The following KLHL29 variants were observed in gnomAD, a reference collection of about 807,000 sequenced individuals.
The protein encoded by KLHL29 is kelch-like protein 29.
Under a neutral mutation model 80.4 loss-of-function variants are expected in KLHL29, and 21 were observed. That is an observed-to-expected ratio of 0.26 (90% CI 0.19 to 0.38). The LOEUF (loss-of-function observed/expected upper bound fraction) is 0.38, where lower values mean the gene tolerates loss of function less well. Among genes scored for constraint, KLHL29 ranks in the 10% least tolerant of loss-of-function variants. The pLI, the probability that KLHL29 is intolerant of heterozygous loss-of-function variation, is 1.00. For synonymous variants in KLHL29, 511 were observed against 526.8 expected, an observed-to-expected ratio of 0.97 and a Z score of 0.41; for missense variants, 867 against 1,223.9, an observed-to-expected ratio of 0.71 and a Z score of 4.35.
intron 1 of KLHL29, among the ~76,000 whole-genome samples, chr2:23,390,363 G>A (rs1458173977): frequency 6.6e-6 from 1 of 152,192 alleles, no homozygotes; most frequent in Non-Finnish European, 1.5e-5. Context: ...AGAACGGCGA[G>A]CATGGTTGTA....
chr2:23,650,362 C>A (rs1670057644), intron 5 of KLHL29, among the ~76,000 whole-genome samples: 1 of 152,064 alleles, frequency 6.6e-6, no homozygotes, highest in African/African-American at 2.4e-5. Context: ...GTCACACACA[C>A]ACACACGTGT....
rs781259597 is a variant in KLHL29 at position 23,706,632 on chromosome 2, G to A, written c.2596G>A (p.Val866Ile). 57 of 1,533,722 alleles carry A rather than the reference G, an allele frequency of 3.7e-5. No homozygotes were observed. Among genetic ancestry groups the A allele is most frequent in the Non-Finnish European group, 4.2e-5 (48 of 1,145,032 alleles). ...CTGCCCTGTGTTCAGACACGGCTGCGTCGTGATAAAGAAATATATTCAAAG... is the reference window on the plus strand; with the variant it reads ...CTGCCCTGTGTTCAGACACGGCTGCATCGTGATAAAGAAATATATTCAAAG... The part of the protein sequence containing the change: ...MPCPVFRHGC[V>I]VIKKYIQSG Residue 866 changes from valine to isoleucine, a missense_variant, in exon 14 of 14, where the codon GTC (valine) becomes ATC (isoleucine). Val to Ile is a conservative substitution (Grantham distance 29). Transcript: ENST00000486442.
intron 1 of KLHL29, among the ~76,000 whole-genome samples, chr2:23,439,503 A>T (rs1663447996): frequency 6.7e-6 from 1 of 150,166 alleles, no homozygotes; most frequent in Non-Finnish European, 1.5e-5. Context: ...AGATTCTGGT[A>T]TGTTGTGTCT....
At chr2:23,705,755 T>C (rs1453936928) in intron 13 of KLHL29, among the ~76,000 whole-genome samples, 4 of 152,108 alleles carry the variant, frequency 2.6e-5, no homozygotes, top group Non-Finnish European at 5.9e-5. Context: ...AAATGGCCAT[T>C]AGCTGAAATG....
At chr2:23,512,753 G>T (rs912398660) in intron 2 of KLHL29, among the ~76,000 whole-genome samples, 17 of 152,246 alleles carry the variant, frequency 1.1e-4, no homozygotes, top group Non-Finnish European at 1.2e-4. Context: ...TCGCCTCCCA[G>T]ACTGAAATGA....
At chr2:23,489,524 G>T (rs1665034839) in intron 2 of KLHL29, among the ~76,000 whole-genome samples, 1 of 152,128 alleles carries the variant, frequency 6.6e-6, no homozygotes, top group South Asian at 2.1e-4. Context: ...TGAGTCAGAA[G>T]TCCTTGCGTA....
Position 23,474,470 on chromosome 2 carries a change from T to A in KLHL29, c.-153-1090T>A, listed in dbSNP as rs560739020. On this transcript the variant is annotated intron_variant, in intron 1 of 13. Transcript: ENST00000486442. ...GGAAATGTACTCGCCACTTTGGTTC[T>A]GTGTCAAAATTAAATGGCGACCTTG... Among the ~76,000 whole-genome samples the A allele has an allele frequency of 3.9e-5, 6 of 152,374 alleles. No individual in the cohort carries two copies. The East Asian group carries it at 9.6e-4, about 24-fold the overall frequency.
In KLHL29 at chr2:23,708,122, C is replaced by T. The variant is rs138094466; in HGVS notation, c.*1458C>T. 11 of 152,348 alleles carry T rather than the reference C, an allele frequency of 7.2e-5. No homozygotes were observed. The East Asian group carries it at 2.1e-3, about 29-fold the overall frequency. The allele number at this position is 152,348 out of a possible 1,614,324, so 9.4% of individuals were successfully genotyped here. On this transcript the variant is annotated 3_prime_UTR_variant, in exon 14 of 14. Coordinates refer to ENST00000486442, the MANE Select transcript of KLHL29 (RefSeq NM_052920.2). ...TTATAAGAGAAAAAGACAGGACACGCTTTCCATCGTTCAGTATTTGATGAC... is the reference window on the plus strand; with the variant it reads ...TTATAAGAGAAAAAGACAGGACACGTTTTCCATCGTTCAGTATTTGATGAC...
At chr2:23,577,913 C>G (rs1302801028) in intron 3 of KLHL29, among the ~76,000 whole-genome samples, 1 of 152,154 alleles carries the variant, frequency 6.6e-6, no homozygotes, top group Non-Finnish European at 1.5e-5. Context: ...CATCCTGTCT[C>G]TGTTCGGAAT....
At position 23,562,415 on chromosome 2, in the gene KLHL29, C is replaced by G. The variant is rs1437765665; in HGVS notation, c.219C>G (p.Cys73Trp). The G allele has an allele frequency of 6.5e-7, 1 of 1,538,114 alleles. No homozygotes were observed. The highest frequency in any genetic ancestry group is 8.7e-7 in the Non-Finnish European group (1 of 1,146,728). Residue 73 changes from cysteine to tryptophan, a missense_variant, in exon 3 of 14, where the codon TGC (cysteine) becomes TGG (tryptophan). Cys to Trp is a radical substitution (Grantham distance 215, BLOSUM62 -2). Coordinates refer to ENST00000486442, the MANE Select transcript of KLHL29 (RefSeq NM_052920.2). The surrounding 1 kb of genome is among the most constrained non-coding windows in gnomAD (Gnocchi z 4.5). ...CCCCGGCTACAGCTCCTGCTCCCTGCACCACCGGCAGCAGCGAGGCCATCA... is the reference window on the plus strand; with the variant it reads ...CCCCGGCTACAGCTCCTGCTCCCTGGACCACCGGCAGCAGCGAGGCCATCA... ...LPTPATAPAP[C>W]TTGSSEAITS...
intron 4 of KLHL29, among the ~76,000 whole-genome samples, chr2:23,640,714 T>C (rs1669743697): frequency 6.6e-6 from 1 of 152,254 alleles, no homozygotes; most frequent in Admixed American, 6.5e-5. Context: ...TGCCCTGTTC[T>C]GTGCATCATC....
At chr2:23,394,684 C>T (rs1182297085) in intron 1 of KLHL29, among the ~76,000 whole-genome samples, 2 of 152,230 alleles carry the variant, frequency 1.3e-5, no homozygotes, top group East Asian at 3.8e-4. Context: ...CTGATTATCA[C>T]AGTTGACATA....
intron 3 of KLHL29, among the ~76,000 whole-genome samples, chr2:23,569,287 C>G (rs1457705026): frequency 6.6e-6 from 1 of 152,212 alleles, no homozygotes; most frequent in African/African-American, 2.4e-5. Flanking sequence ...GGAAAGGGAG[C>G]CTGTTACATG....
chr2:23,464,146 G>C (rs1239642792), intron 1 of KLHL29, among the ~76,000 whole-genome samples: 1 of 152,216 alleles, frequency 6.6e-6, no homozygotes, highest in Non-Finnish European at 1.5e-5. Flanking sequence ...TTACATGGGG[G>C]TGGAGGGTAG....
At position 23,630,643 on chromosome 2, in the gene KLHL29, C is replaced by A. The variant is rs1465341600; in HGVS notation, c.286-8496C>A. On this transcript the variant is annotated intron_variant, in intron 3 of 13. Transcript: ENST00000486442. ...AGGACTACAGGCACACACCACCACA[C>A]CCAGCTGATTTTTTTTGTATTTTTA... 3.3e-5 allele frequency among the ~76,000 whole-genome samples: 5 copies of A among 152,070 alleles called. No individual in the cohort carries two copies. In the East Asian group the frequency reaches 5.8e-4, roughly 18 times the overall value.
At position 23,396,700 on chromosome 2, in the gene KLHL29, T is replaced by A. The variant is rs116336945; in HGVS notation, c.-154+10920T>A. ...CCAGTGCTAATCATCAAAACTTGAA[T>A]AATATACAGACTGCGAAAGGAACAT... On this transcript the variant is annotated intron_variant, in intron 1 of 13. Coordinates refer to ENST00000486442, the MANE Select transcript of KLHL29 (RefSeq NM_052920.2). 8.0e-3 allele frequency among the ~76,000 whole-genome samples: 1,212 copies of A among 152,280 alleles called. 19 individuals carry two copies. Among genetic ancestry groups the A allele is most frequent in the African/African-American group, 0.028 (1,159 of 41,548 alleles).
chr2:23,633,756 C>CGTGT (rs1181808728), intron 3 of KLHL29, among the ~76,000 whole-genome samples: 194 of 147,236 alleles, frequency 1.3e-3, no homozygotes, highest in Non-Finnish European at 2.0e-3. Flanking sequence ...TCACAGCACT[C>CGTGT]GTGTGTGTGT....
intron 3 of KLHL29, among the ~76,000 whole-genome samples, chr2:23,575,491 A>G (rs1331414645): frequency 6.6e-6 from 1 of 152,166 alleles, no homozygotes; most frequent in Non-Finnish European, 1.5e-5. Context: ...CATCACTGAC[A>G]TTTATTGAGT....
chr2:23,688,426 G>A (rs886838382), intron 6 of KLHL29, among the ~76,000 whole-genome samples: 2 of 152,224 alleles, frequency 1.3e-5, no homozygotes, highest in African/African-American at 4.8e-5. Flanking sequence ...TCTGATCTCT[G>A]AGGTGCATGA....
Sources: allele counts gnomAD v4.1 joint callset (sites outside exome capture counted in the v4.1 genomes callset), GRCh38; gene constraint gnomAD v4.1.1; non-coding constraint Gnocchi (gnomAD v3.1); transcripts MANE v1.5; gene names NCBI Gene and HGNC (gene_info 2026-07-23, HGNC 2026-07-21).